FAM120B: variants seen among roughly 807,000 people sequenced by gnomAD.
The protein encoded by FAM120B is constitutive coactivator of peroxisome proliferator-activated receptor gamma.
FAM120B carries 83 observed loss-of-function variants against 96.3 expected under a neutral mutation model. The observed-to-expected ratio is 0.86, with a 90% CI of 0.72 to 1.03. The LOEUF (loss-of-function observed/expected upper bound fraction) is 1.03. FAM120B is among the 50% of genes least tolerant of loss of function. The pLI is 0.00. For missense variants in FAM120B, 1,027 were observed against 1,121.2 expected, an observed-to-expected ratio of 0.92 and a Z score of 1.20; for synonymous variants, 407 against 402.7, an observed-to-expected ratio of 1.01 and a Z score of -0.13.
intron 6 of FAM120B, among the ~76,000 whole-genome samples, chr6:170,376,793 G>A (rs1411961338): frequency 2.6e-5 from 4 of 152,210 alleles, no homozygotes; most frequent in Admixed American, 1.3e-4. Context: ...AAGGAGGAGC[G>A]CCTGCTTGGT....
rs554490291 is a variant in FAM120B, at chr6:170,301,095, C to A, written c.48+5642C>A. Among the ~76,000 whole-genome samples, 12 of 152,386 alleles carry A rather than the reference C, an allele frequency of 7.9e-5. 2 individuals carry two copies. The South Asian group carries it at 2.1e-3, about 26-fold the overall frequency. On this transcript the variant is annotated intron_variant, in intron 1 of 10. Transcript: ENST00000537664. ...ACATTTCCTTTCTGCACTGCCCTAGCAGAGCTTCTCCATGAGGGCTTTGCC... is the reference window on the plus strand; with the variant it reads ...ACATTTCCTTTCTGCACTGCCCTAGAAGAGCTTCTCCATGAGGGCTTTGCC...
intron 8 of FAM120B, chr6:170,391,344 G>A: frequency 2.0e-6 from 1 of 499,052 alleles, no homozygotes; most frequent in South Asian, 2.1e-5. Flanking sequence ...AGACCAGCCT[G>A]GCCCACATGG....
intron 9 of FAM120B, among the ~76,000 whole-genome samples, chr6:170,400,682 C>T (rs1170273306): frequency 1.3e-5 from 2 of 152,216 alleles, no homozygotes; most frequent in Non-Finnish European, 2.9e-5. Context: ...CCTTTCCTGG[C>T]ATTAATTCTA....
intron 6 of FAM120B, among the ~76,000 whole-genome samples, chr6:170,359,380 C>G (rs186975909): frequency 6.9e-6 from 1 of 145,816 alleles, no homozygotes; most frequent in Admixed American, 7.0e-5. Flanking sequence ...GCAACAAGAG[C>G]GAAACTCTGT....
upstream of FAM120B, among the ~76,000 whole-genome samples, chr6:170,293,354 C>A (rs1439662962): frequency 6.6e-6 from 1 of 152,108 alleles, no homozygotes; most frequent in African/African-American, 2.4e-5. Flanking sequence ...AAAACAGGCT[C>A]ATTTGAATGC....
In FAM120B at chr6:170,334,370, A is replaced by G. The variant is rs148081541; in HGVS notation, c.2017+3820A>G. Among the ~76,000 whole-genome samples, 505 of 152,394 alleles carry G rather than the reference A, an allele frequency of 3.3e-3. 7 individuals are homozygous for G. Among genetic ancestry groups the G allele is most frequent in the African/African-American group, 0.012 (491 of 41,602 alleles). On this transcript the variant is annotated intron_variant, in intron 4 of 10. Transcript: ENST00000476287. Reference sequence around the variant, plus strand: ...TGAGGGTAAGTCATACATTTCATGAAAAAAGGACCATGTATTTGATTCAAT... The same window carrying G: ...TGAGGGTAAGTCATACATTTCATGAGAAAAGGACCATGTATTTGATTCAAT...
chr6:170,348,371 A>G, intron 5 of FAM120B, 48 bp downstream of exon 5: 3 of 1,558,788 alleles, frequency 1.9e-6, no homozygotes, highest in Non-Finnish European at 2.6e-6. Flanking sequence ...CGCTTACTTT[A>G]TGAGAGGGAG....
intron 4 of FAM120B, among the ~76,000 whole-genome samples, chr6:170,336,281 A>C (rs1209131040): frequency 6.6e-6 from 1 of 152,138 alleles, no homozygotes. Context: ...GCCAGTTTTC[A>C]CAGCACCATT....
chr6:170,386,042 G>A (rs1339734041), intron 6 of FAM120B, among the ~76,000 whole-genome samples: 1 of 152,152 alleles, frequency 6.6e-6, no homozygotes, highest in Non-Finnish European at 1.5e-5. Context: ...TGCTCTCATG[G>A]TGGCTCCAGG....
intron 6 of FAM120B, among the ~76,000 whole-genome samples, chr6:170,384,937 C>T (rs1790108077): frequency 1.3e-5 from 2 of 152,194 alleles, no homozygotes; most frequent in South Asian, 4.1e-4. Context: ...GACAAACAGA[C>T]AGAAGGTTAG....
chr6:170,298,204 A>AC (rs1045017696), intron 1 of FAM120B: 1 of 152,182 alleles, frequency 6.6e-6, no homozygotes, highest in Admixed American at 6.5e-5. Context: ...CTGCTAGGAG[A>AC]CCGGCTTTGC....
At chr6:170,304,492 TTC>T (rs1412543066), upstream of FAM120B, among the ~76,000 whole-genome samples, 1 of 149,308 alleles carries the variant, frequency 6.7e-6, no homozygotes, top group East Asian at 2.4e-4. Flanking sequence ...AAGATTTTCC[TTC>T]TCTTTTATCT....
rs567085393 is a variant in FAM120B, at chr6:170,358,208, T to C, written c.2191-18T>C. 1.2e-5 allele frequency: 19 copies of C among 1,576,304 alleles called. No individual in the cohort carries two copies. In the Admixed American group the frequency reaches 2.1e-4, roughly 17 times the overall value. The stretch of plus-strand genomic sequence containing the variant: ...TTTTTCCTGTAGCCTAACACTGGCC[T>C]TTCTCTGTCCTTTTCAGGTGGACAC... On this transcript the variant is annotated intron_variant, in intron 5 of 10. Coordinates refer to ENST00000476287, the MANE Select transcript of FAM120B (RefSeq NM_032448.3).
upstream of FAM120B, among the ~76,000 whole-genome samples, chr6:170,305,722 G>C (rs899410461): frequency 2.6e-5 from 4 of 152,162 alleles, no homozygotes; most frequent in Non-Finnish European, 1.5e-5. Flanking sequence ...TTGGTTTCAA[G>C]GTCGTCACTC....
intron 5 of FAM120B, among the ~76,000 whole-genome samples, chr6:170,350,255 AC>A (rs1216931720): frequency 2.0e-5 from 3 of 152,082 alleles, no homozygotes; most frequent in Non-Finnish European, 4.4e-5. Flanking sequence ...ACAATTTAAG[AC>A]CCTCTGGCTT....
At chr6:170,304,236 T>C (rs1003222155), upstream of FAM120B, among the ~76,000 whole-genome samples, 3 of 152,370 alleles carry the variant, frequency 2.0e-5, no homozygotes, top group South Asian at 2.1e-4. Context: ...CTTCAGAATT[T>C]TGAAGTTAAT....
intron 7 of FAM120B, among the ~76,000 whole-genome samples, chr6:170,389,352 T>C (rs771432488): frequency 3.3e-5 from 5 of 152,198 alleles, no homozygotes; most frequent in South Asian, 2.1e-4. Flanking sequence ...TTTCCACTTA[T>C]AGCAGTTTTA....
chr6:170,324,015 G>A (rs1251834125), intron 3 of FAM120B, among the ~76,000 whole-genome samples: 1 of 152,208 alleles, frequency 6.6e-6, no homozygotes, highest in Non-Finnish European at 1.5e-5. Flanking sequence ...ATTTGAGAAT[G>A]TGTTGATAAG....
chr6:170,342,974 C>T (rs1786937146), intron 4 of FAM120B, among the ~76,000 whole-genome samples: 1 of 152,188 alleles, frequency 6.6e-6, no homozygotes, highest in Non-Finnish European at 1.5e-5. Flanking sequence ...TTGAGTTGCC[C>T]TCCCCTGAGT....
Sources: gnomAD v4.1 joint callset for allele counts (sites outside exome capture counted in the v4.1 genomes callset) on GRCh38, gnomAD v4.1.1 for gene constraint, MANE v1.5 for transcripts, NCBI Gene and HGNC (gene_info 2026-07-23, HGNC 2026-07-21) for gene names.